The following UVRAG variants were observed in gnomAD, a reference collection of about 807,000 sequenced individuals.
The protein encoded by UVRAG is UV radiation resistance associated, also known as UV radiation resistance-associated gene protein.
A neutral mutation model predicts 78.0 loss-of-function variants in UVRAG; 19 were observed. The observed-to-expected ratio is 0.24, with a 90% CI of 0.17 to 0.36. The LOEUF (loss-of-function observed/expected upper bound fraction) is 0.36, where lower values mean the gene tolerates loss of function less well. Ranked by LOEUF, UVRAG falls within the 10% of genes least tolerant of loss-of-function variation. The pLI is 1.00. For synonymous variants in UVRAG, 323 were observed against 324.6 expected (o/e 1.00, Z 0.05); for missense variants, 740 against 853.8 (o/e 0.87, Z 1.66).
In UVRAG at chr11:75,973,089, C is replaced by T. The variant is rs371664307; in HGVS notation, c.700-10298C>T. Among the ~76,000 whole-genome samples the T allele has an allele frequency of 3.9e-5, 6 of 152,158 alleles. No individual in the cohort carries two copies. The East Asian group carries it at 7.7e-4, about 20-fold the overall frequency. On this transcript the variant is annotated intron_variant, in intron 7 of 14. Transcript: ENST00000356136. ...CAGGTATAACTATGGTGAATAGGAG[C>T]GAAAGGGGATATCCTTGTCATGTTC...
At chr11:75,843,691 G>A (rs1397775356) in intron 1 of UVRAG, among the ~76,000 whole-genome samples, 1 of 152,164 alleles carries the variant, frequency 6.6e-6, no homozygotes, top group African/African-American at 2.4e-5. Flanking sequence ...CGGCTCAGTG[G>A]CTCATGCCTG....
chr11:75,934,608 T>C (rs1948325448), intron 6 of UVRAG, among the ~76,000 whole-genome samples: 1 of 152,196 alleles, frequency 6.6e-6, no homozygotes, highest in Non-Finnish European at 1.5e-5. Context: ...AAATTTATCA[T>C]GTAGTCTGCA....
intron 7 of UVRAG, among the ~76,000 whole-genome samples, chr11:75,978,649 G>A (rs796863075): frequency 2.6e-5 from 4 of 152,114 alleles, no homozygotes; most frequent in African/African-American, 4.8e-5. Flanking sequence ...CTTTCTTCCA[G>A]TTGATCGAAT....
chr11:75,951,350 TGTGTG>T (rs1299200810), intron 6 of UVRAG, among the ~76,000 whole-genome samples: 69 of 149,948 alleles, frequency 4.6e-4, no homozygotes, highest in African/African-American at 1.6e-3. Flanking sequence ...TGTGTGTGTG[TGTGTG>T]TGTGTATATA....
At chr11:75,828,755 AT>A (rs1945582647) in intron 1 of UVRAG, among the ~76,000 whole-genome samples, 2 of 84,012 alleles carry the variant, frequency 2.4e-5, no homozygotes, top group Non-Finnish European at 4.4e-5. Context: ...ATACACACAC[AT>A]ATATATATAT....
intron 4 of UVRAG, among the ~76,000 whole-genome samples, chr11:75,881,814 T>C (rs1342614136): frequency 2.0e-5 from 3 of 152,228 alleles, no homozygotes; most frequent in African/African-American, 7.2e-5. Flanking sequence ...ATATAGATTA[T>C]TATAATTAAT....
chr11:76,029,341 A>C (rs541124981), intron 12 of UVRAG, among the ~76,000 whole-genome samples: 1 of 150,690 alleles, frequency 6.6e-6, no homozygotes, highest in African/African-American at 2.4e-5. Context: ...ATGACTTTTA[A>C]GTCTTCTTAT....
At chr11:75,835,620 A>G (rs1945759317) in intron 1 of UVRAG, among the ~76,000 whole-genome samples, 1 of 152,198 alleles carries the variant, frequency 6.6e-6, no homozygotes, top group Non-Finnish European at 1.5e-5. Context: ...TTTATAATAT[A>G]TATTTAAATA....
chr11:75,981,881 T>C (rs373262042), intron 7 of UVRAG, among the ~76,000 whole-genome samples: 3 of 152,106 alleles, frequency 2.0e-5, no homozygotes, highest in African/African-American at 7.3e-5. Context: ...TTTGGTTCTT[T>C]ATATCTTCTG....
intron 7 of UVRAG, among the ~76,000 whole-genome samples, chr11:75,973,674 A>G (rs950210674): frequency 6.6e-6 from 1 of 152,278 alleles, no homozygotes; most frequent in African/African-American, 2.4e-5. Flanking sequence ...CGTCATTTAC[A>G]TTAGGTATAT....
At chr11:76,091,780 A>G (rs1023544275) in intron 13 of UVRAG, among the ~76,000 whole-genome samples, 4 of 151,458 alleles carry the variant, frequency 2.6e-5, no homozygotes, top group Non-Finnish European at 4.4e-5. Context: ...TGGACTTGAT[A>G]TATCATTTGT....
intron 8 of UVRAG, 53 bp downstream of exon 8, chr11:75,983,566 T>A: frequency 6.7e-7 from 1 of 1,492,482 alleles, no homozygotes; most frequent in Non-Finnish European, 9.0e-7. Context: ...GTAGTTCTCC[T>A]TTCTTCTTCT....
chr11:76,091,031 T>A (rs1247308893), intron 13 of UVRAG, among the ~76,000 whole-genome samples: 1 of 152,200 alleles, frequency 6.6e-6, no homozygotes, highest in Non-Finnish European at 1.5e-5. Context: ...CTCCCTTGTT[T>A]TGTTGGAGCA....
At chr11:75,951,796 C>G (rs1948708752) in intron 6 of UVRAG, among the ~76,000 whole-genome samples, 1 of 152,024 alleles carries the variant, frequency 6.6e-6, no homozygotes, top group Non-Finnish European at 1.5e-5. Context: ...CCAGCTATTT[C>G]CCGCCCCCAA....
intron 7 of UVRAG, among the ~76,000 whole-genome samples, chr11:75,976,997 T>G (rs999314279): frequency 1.3e-5 from 2 of 152,254 alleles, no homozygotes. Context: ...CTTTCTCTTG[T>G]GGGCATTTAG....
At chr11:76,022,373 G>C (rs1360999608) in intron 12 of UVRAG, among the ~76,000 whole-genome samples, 1 of 152,118 alleles carries the variant, frequency 6.6e-6, no homozygotes, top group East Asian at 1.9e-4. Context: ...ATTTATGACT[G>C]GGAATAGAGT....
rs777025259 is a variant in UVRAG, at chr11:75,872,290, C to T, written c.271-7589C>T. ...GGAACATTAATGATTATATTATATT[C>T]GAACTTCAGGGGCTGCCTGGGACAT... On this transcript the variant is annotated intron_variant, in intron 3 of 14. Coordinates refer to ENST00000356136, the MANE Select transcript of UVRAG (RefSeq NM_003369.4). Among the ~76,000 whole-genome samples, 20 of 152,000 alleles carry T rather than the reference C, an allele frequency of 1.3e-4. 1 individual carries two copies. In the South Asian group the frequency reaches 1.5e-3, roughly 11 times the overall value.
chr11:76,100,554 A>G (rs1297173413), intron 13 of UVRAG, among the ~76,000 whole-genome samples: 1 of 152,150 alleles, frequency 6.6e-6, no homozygotes, highest in Non-Finnish European at 1.5e-5. Flanking sequence ...TTTCACTTGA[A>G]TTAGTTTTCT....
chr11:76,134,705 A>G (rs1345518764), intron 14 of UVRAG, among the ~76,000 whole-genome samples: 4 of 152,208 alleles, frequency 2.6e-5, no homozygotes, highest in Admixed American at 2.6e-4. Flanking sequence ...TCATAATGAC[A>G]ACCACCACAA....
Sources: gnomAD v4.1 joint callset for allele counts (sites outside exome capture counted in the v4.1 genomes callset) on GRCh38, gnomAD v4.1.1 for gene constraint, MANE v1.5 for transcripts, NCBI Gene and HGNC (gene_info 2026-07-23, HGNC 2026-07-21) for gene names.